The following SIPA1L1 variants were observed in gnomAD, a reference collection of about 807,000 sequenced individuals.
SIPA1L1 encodes signal induced proliferation associated 1 like 1, also known as signal-induced proliferation-associated 1-like protein 1.
A neutral mutation model predicts 162.7 loss-of-function variants in SIPA1L1; 26 were observed. The ratio of observed to expected loss-of-function variants is 0.16; its 90% CI spans 0.12 to 0.22. SIPA1L1 has a LOEUF of 0.22. Ranked by LOEUF, SIPA1L1 falls within the 10% of genes least tolerant of loss-of-function variation. The pLI is 1.00. For synonymous variants in SIPA1L1, 829 were observed against 837.4 expected (o/e 0.99, Z 0.17); for missense variants, 1,874 against 2,241.0 (o/e 0.84, Z 3.31).
In SIPA1L1 at chr14:71,624,122, G is replaced by A. The variant is rs778886512; in HGVS notation, c.1704G>A (p.Leu568=). The A allele has an allele frequency of 1.5e-5, 24 of 1,614,184 alleles. No individual in the cohort carries two copies. The South Asian group carries it at 2.5e-4, about 17-fold the overall frequency. ...CCAAGCACTCGACAGCCAGAGGCCTGCCTCTCAAAGAAGTGCTGGAGCACG... is the reference window on the plus strand; with the variant it reads ...CCAAGCACTCGACAGCCAGAGGCCTACCTCTCAAAGAAGTGCTGGAGCACG... ...STAKHSTARG[L]PLKEVLEHVV... Residue 568 remains leucine (L), a synonymous_variant, in exon 7 of 24, where the codon CTG becomes CTA. Transcript: ENST00000381232.
At chr14:71,439,296 C>G (rs909568160) in intron 2 of SIPA1L1, among the ~76,000 whole-genome samples, 4 of 152,080 alleles carry the variant, frequency 2.6e-5, no homozygotes, top group African/African-American at 9.7e-5. Context: ...TCTTCACTAC[C>G]GTCTTCTTCA....
chr14:71,523,101 A>T (rs1355740444), intron 3 of SIPA1L1, among the ~76,000 whole-genome samples: 1 of 151,450 alleles, frequency 6.6e-6, no homozygotes, highest in Non-Finnish European at 1.5e-5. Flanking sequence ...CACCTAATGA[A>T]TTTTTTTAAA....
intron 19 of SIPA1L1, among the ~76,000 whole-genome samples, chr14:71,725,702 G>T (rs2084175521): frequency 1.3e-5 from 2 of 152,168 alleles, no homozygotes; most frequent in Admixed American, 1.3e-4. Context: ...ATTGAGCTGG[G>T]CCTGAAGTTA....
At chr14:71,685,659 A>C (rs138312607) in intron 13 of SIPA1L1, 28 bp downstream of exon 13, 15 of 1,610,636 alleles carry the variant, frequency 9.3e-6, no homozygotes, top group South Asian at 3.3e-5. Flanking sequence ...GGTTTGCTCT[A>C]TCTCTCTCTG....
chr14:71,660,621 A>G (rs1425016968), intron 9 of SIPA1L1, among the ~76,000 whole-genome samples: 2 of 152,244 alleles, frequency 1.3e-5, no homozygotes, highest in East Asian at 1.9e-4. Flanking sequence ...GAGAAACACA[A>G]ATTTTGTTTG....
intron 5 of SIPA1L1, among the ~76,000 whole-genome samples, chr14:71,614,496 C>G (rs973427748): frequency 2.6e-5 from 4 of 151,996 alleles, no homozygotes; most frequent in African/African-American, 9.7e-5. Context: ...GTGAATTTAG[C>G]ATGGGAAATT....
intron 2 of SIPA1L1, among the ~76,000 whole-genome samples, chr14:71,391,220 C>T (rs1289882666): frequency 4.0e-5 from 6 of 149,898 alleles, no homozygotes; most frequent in African/African-American, 1.2e-4. Flanking sequence ...CATTCTTCTG[C>T]CTCAGCCTCC....
chr14:71,700,436 A>C (rs1314344340), intron 14 of SIPA1L1, among the ~76,000 whole-genome samples: 3 of 152,266 alleles, frequency 2.0e-5, no homozygotes, highest in Non-Finnish European at 2.9e-5. Flanking sequence ...AAAAAGTCTT[A>C]ATACAAATTT....
chr14:71,587,981 C>G lies in SIPA1L1; in HGVS notation c.109C>G (p.Arg37Gly). Reference protein sequence around the residue: ...PKVHTDDFYMRRFRSQNGSLG... With the variant: ...PKVHTDDFYMGRFRSQNGSLG... The stretch of plus-strand genomic sequence containing the variant: ...AGTCCACACTGATGATTTCTACATG[C>G]GGCGCTTCCGGTCCCAAAATGGCAG... Residue 37 changes from arginine to glycine, a missense_variant, in exon 5 of 24, where the codon CGG becomes GGG. Around this residue, in one of 5 missense-constraint regions of SIPA1L1, gnomAD observed 685 missense variants for 828.0 expected, o/e 0.83. Transcript: ENST00000381232. The G allele has an allele frequency of 6.2e-7, 1 of 1,614,096 alleles. No individual in the cohort carries two copies. Among genetic ancestry groups the G allele is most frequent in the Non-Finnish European group, 8.5e-7 (1 of 1,179,978 alleles).
In SIPA1L1 at chr14:71,674,628, G is replaced by T. The variant is rs1009129838; in HGVS notation, c.3104+2006G>T. 5.3e-5 allele frequency among the ~76,000 whole-genome samples: 8 copies of T among 150,400 alleles called. No individual in the cohort carries two copies. In the South Asian group the frequency reaches 1.7e-3, roughly 32 times the overall value. ...CGCCCAGGCTGGAGTGCAGTGGCGG[G>T]GTCTCGGCTCACTGCAAGCTCCGCC... is the stretch of plus-strand genomic sequence containing the variant. On this transcript the variant is annotated intron_variant, in intron 12 of 23. Coordinates refer to ENST00000381232, the MANE Select transcript of SIPA1L1 (RefSeq NM_001386936.1).
At chr14:71,704,600 T>C (rs961668651) in intron 15 of SIPA1L1, 21 of 698,932 alleles carry the variant, frequency 3.0e-5, no homozygotes, top group Non-Finnish European at 4.9e-5. Flanking sequence ...AGTGGTGTTA[T>C]GGAGGATAAA....
chr14:71,488,423 A>G (rs1242348470), intron 2 of SIPA1L1, among the ~76,000 whole-genome samples: 2 of 152,180 alleles, frequency 1.3e-5, no homozygotes, highest in Non-Finnish European at 2.9e-5. Context: ...ATTAAAATGG[A>G]TAGGACATAA....
chr14:71,689,311 AAT>A (rs2081087804), intron 13 of SIPA1L1, among the ~76,000 whole-genome samples: 1 of 152,198 alleles, frequency 6.6e-6, no homozygotes, highest in Non-Finnish European at 1.5e-5. Flanking sequence ...ATTTGGTTTA[AAT>A]ATATGAGTTT....
chr14:71,520,796 A>T (rs545323880), intron 3 of SIPA1L1, among the ~76,000 whole-genome samples: 46 of 152,266 alleles, frequency 3.0e-4, no homozygotes, highest in Admixed American at 2.9e-3. Context: ...TCTGTCACCC[A>T]GGCTGGAGTG....
At chr14:71,497,242 G>A (rs370414884) in intron 2 of SIPA1L1, among the ~76,000 whole-genome samples, 1 of 152,050 alleles carries the variant, frequency 6.6e-6, no homozygotes, top group South Asian at 2.1e-4. Flanking sequence ...ATGGGGTCTT[G>A]CTATATTGCC....
chr14:71,609,782 T>C (rs2037985972), intron 5 of SIPA1L1, among the ~76,000 whole-genome samples: 1 of 152,078 alleles, frequency 6.6e-6, no homozygotes, highest in Non-Finnish European at 1.5e-5. Flanking sequence ...TTTGTAGTGA[T>C]GGTGTCTCAC....
chr14:71,571,047 G>C (rs1317594603), intron 4 of SIPA1L1, among the ~76,000 whole-genome samples: 2 of 152,140 alleles, frequency 1.3e-5, no homozygotes, highest in Non-Finnish European at 2.9e-5. Flanking sequence ...CAGCTGTCTT[G>C]GCCTTCCAAA....
In SIPA1L1 at chr14:71,531,546, GT is replaced by G. The variant is rs201538341; in HGVS notation, c.-303+2179del. 5.7e-3 allele frequency among the ~76,000 whole-genome samples: 868 copies of G among 151,590 alleles called. 10 individuals are homozygous for G. The highest frequency in any genetic ancestry group is 0.02 in the African/African-American group (839 of 41,356). On this transcript the variant is annotated intron_variant, in intron 4 of 23. Transcript: ENST00000381232. ...CTTGTGTGAAATGTATCTTTTTTTT[GT>G]TTGCTTTTGCTTTTGTTTTTGTTGT... is the stretch of plus-strand genomic sequence containing the variant.
chr14:71,544,488 G>GT (rs896431258), intron 4 of SIPA1L1, among the ~76,000 whole-genome samples: 2 of 151,870 alleles, frequency 1.3e-5, no homozygotes, highest in Non-Finnish European at 2.9e-5. Flanking sequence ...AATTTCTTGA[G>GT]TTTTTTTCAT....
Sources: gnomAD v4.1 joint callset for allele counts (sites outside exome capture counted in the v4.1 genomes callset) on GRCh38, gnomAD v4.1.1 for gene constraint, gnomAD v4.1.1 regional missense constraint, MANE v1.5 for transcripts, NCBI Gene and HGNC (gene_info 2026-07-23, HGNC 2026-07-21) for gene names.